The following SH3BGRL2 variants were observed in gnomAD, a reference collection of about 807,000 sequenced individuals.
SH3BGRL2 encodes SH3 domain-binding glutamic acid-rich-like protein 2.
SH3BGRL2 carries 21 observed loss-of-function variants against 14.8 expected under a neutral mutation model. The ratio of observed to expected loss-of-function variants is 1.42; its 90% CI spans 1.01 to 2.05. SH3BGRL2 has a LOEUF of 2.05. Ranked by LOEUF, SH3BGRL2 falls within the 30% of genes most tolerant of loss-of-function variation. The pLI is 0.00. For missense variants in SH3BGRL2, 147 were observed against 130.8 expected, an observed-to-expected ratio of 1.12 and a Z score of -0.61; for synonymous variants, 50 against 47.8, an observed-to-expected ratio of 1.05 and a Z score of -0.19.
chr6:79,700,881 TA>T lies in SH3BGRL2; in HGVS notation c.*1376del, dbSNP rs202119148. On this transcript the variant is annotated 3_prime_UTR_variant, in exon 4 of 4. Coordinates refer to ENST00000369838, the MANE Select transcript of SH3BGRL2 (RefSeq NM_031469.4). ...TAGGATAAATTTTCAGAGGGCTGCC[TA>T]AAATATTTTATTTCTAGCATCCTGA... 5.0e-3 allele frequency: 768 copies of T among 152,278 alleles called. 6 individuals carry two copies. The highest frequency in any genetic ancestry group is 0.017 in the African/African-American group (710 of 41,556). The allele number at this position is 152,278 out of a possible 1,614,324, so 9.4% of individuals were successfully genotyped here.
At chr6:79,642,833 G>A (rs187454665) in intron 1 of SH3BGRL2, among the ~76,000 whole-genome samples, 2 of 152,290 alleles carry the variant, frequency 1.3e-5, no homozygotes, top group Admixed American at 1.3e-4. Flanking sequence ...GGATTTCTGT[G>A]TTTAATGAAG....
chr6:79,687,691 G>A (rs892942386), intron 2 of SH3BGRL2, among the ~76,000 whole-genome samples: 2 of 152,126 alleles, frequency 1.3e-5, no homozygotes, highest in Non-Finnish European at 2.9e-5. Context: ...AATTTGAGAA[G>A]CAGCCACTGT....
At chr6:79,689,273 A>T (rs979309177) in intron 2 of SH3BGRL2, among the ~76,000 whole-genome samples, 1 of 152,136 alleles carries the variant, frequency 6.6e-6, no homozygotes, top group Admixed American at 6.6e-5. Flanking sequence ...CAATTTTTGG[A>T]TAAGAAGCAC....
chr6:79,565,068 A>C, the SH3BGRL2 span, among the ~76,000 whole-genome samples: 993 of 152,338 alleles, frequency 6.5e-3, 12 homozygotes, highest in African/African-American at 0.022. Flanking sequence ...TTCAGTTAAG[A>C]TAATTGCTCT....
chr6:79,624,402 G>T, the SH3BGRL2 span, among the ~76,000 whole-genome samples: 43 of 151,432 alleles, frequency 2.8e-4, no homozygotes, highest in African/African-American at 1.0e-3. Context: ...ATGACTAGGA[G>T]AGTCCTACAA....
chr6:79,571,855 A>G, the SH3BGRL2 span, among the ~76,000 whole-genome samples: 1 of 152,124 alleles, frequency 6.6e-6, no homozygotes, highest in African/African-American at 2.4e-5. Context: ...TCTCAGCATT[A>G]TGTTTGTGAG....
At chr6:79,649,985 TCA>T (rs1554202291) in intron 1 of SH3BGRL2, among the ~76,000 whole-genome samples, 121 of 141,824 alleles carry the variant, frequency 8.5e-4, no homozygotes, top group Middle Eastern at 3.6e-3. Context: ...TCTCTCTCTC[TCA>T]CACACACACA....
chr6:79,603,949 TGC>T, the SH3BGRL2 span, among the ~76,000 whole-genome samples: 1 of 152,024 alleles, frequency 6.6e-6, no homozygotes, highest in African/African-American at 2.4e-5. Flanking sequence ...GGATTACAGG[TGC>T]GCGTTACCAC....
chr6:79,693,753 G>A (rs925113697), intron 2 of SH3BGRL2, among the ~76,000 whole-genome samples: 11 of 152,064 alleles, frequency 7.2e-5, no homozygotes, highest in South Asian at 2.1e-4. Context: ...TGCTGGATTC[G>A]GTTTATCAAA....
chr6:79,557,302 A>G, the SH3BGRL2 span, among the ~76,000 whole-genome samples: 51 of 151,748 alleles, frequency 3.4e-4, no homozygotes, highest in Non-Finnish European at 6.9e-4. Context: ...GGAAATACAG[A>G]ATTATAATTG....
the SH3BGRL2 span, among the ~76,000 whole-genome samples, chr6:79,564,350 C>T: frequency 0.13 from 19,592 of 152,112 alleles, 1,426 homozygotes; most frequent in African/African-American, 0.17. Context: ...ATGTTAAGAA[C>T]GTAAAACTGC....
the SH3BGRL2 span, among the ~76,000 whole-genome samples, chr6:79,578,912 T>C: frequency 1.3e-5 from 2 of 152,192 alleles, no homozygotes; most frequent in Non-Finnish European, 2.9e-5. Flanking sequence ...GAAAAAAGAT[T>C]AGATGAATAG....
the SH3BGRL2 span, among the ~76,000 whole-genome samples, chr6:79,548,495 A>G: frequency 2.6e-5 from 4 of 152,166 alleles, no homozygotes; most frequent in Admixed American, 2.0e-4. Flanking sequence ...TGTGTTTACT[A>G]TGCTGGCAGC....
At chr6:79,588,021 C>T in the SH3BGRL2 span, among the ~76,000 whole-genome samples, 10 of 150,070 alleles carry the variant, frequency 6.7e-5, no homozygotes, top group African/African-American at 2.2e-4. Context: ...TGGCCGGGTG[C>T]GGTGGCTCAT....
At chr6:79,670,197 C>T (rs539653246) in intron 1 of SH3BGRL2, among the ~76,000 whole-genome samples, 2 of 152,142 alleles carry the variant, frequency 1.3e-5, no homozygotes, top group African/African-American at 4.8e-5. Context: ...TTTTTTCCCC[C>T]AACTGTTTAA....
chr6:79,537,736 A>G, the SH3BGRL2 span, among the ~76,000 whole-genome samples: 1 of 152,216 alleles, frequency 6.6e-6, no homozygotes, highest in Non-Finnish European at 1.5e-5. Context: ...ATGAATTGTA[A>G]AATTGGCGAC....
the SH3BGRL2 span, among the ~76,000 whole-genome samples, chr6:79,623,301 C>CA: frequency 0.1 from 14,480 of 141,614 alleles, 759 homozygotes; most frequent in Non-Finnish European, 0.12. Context: ...GACTCTGCCT[C>CA]AAAAAAAAAA....
chr6:79,693,417 G>A (rs1416447970), intron 2 of SH3BGRL2, among the ~76,000 whole-genome samples: 2 of 151,262 alleles, frequency 1.3e-5, no homozygotes, highest in Non-Finnish European at 2.9e-5. Context: ...GGTGAGAGAG[G>A]GCATCCCTGT....
At chr6:79,693,650 TG>T (rs1419859147) in intron 2 of SH3BGRL2, among the ~76,000 whole-genome samples, 2 of 152,198 alleles carry the variant, frequency 1.3e-5, no homozygotes, top group Non-Finnish European at 2.9e-5. Context: ...GTTTATATGC[TG>T]GATTACATTT....
Sources: gnomAD v4.1 joint callset for allele counts (sites outside exome capture counted in the v4.1 genomes callset) on GRCh38, gnomAD v4.1.1 for gene constraint, MANE v1.5 for transcripts, NCBI Gene and HGNC (gene_info 2026-07-23, HGNC 2026-07-21) for gene names.